The following MALL variants were observed in gnomAD, a reference collection of about 807,000 sequenced individuals.
The protein encoded by MALL is MAL-like protein.
A neutral mutation model predicts 10.3 loss-of-function variants in MALL; 2 were observed. That is an observed-to-expected ratio of 0.19 (90% CI 0.08 to 0.61). MALL has a LOEUF of 0.61. Ranked by LOEUF, MALL falls within the 20% of genes least tolerant of loss-of-function variation. The pLI, the probability that MALL is intolerant of heterozygous loss-of-function variation, is 0.88. For missense variants in MALL, 39 were observed against 115.2 expected (o/e 0.34, Z 3.03); for synonymous variants, 27 against 51.8 (o/e 0.52, Z 2.05).
intron 1 of MALL, among the ~76,000 whole-genome samples, chr2:110,105,367 C>A (rs1678665408): frequency 6.6e-6 from 1 of 152,236 alleles, no homozygotes; most frequent in Non-Finnish European, 1.5e-5. Flanking sequence ...AGCCCAAGGC[C>A]TTCCCTTTCC....
intron 1 of MALL, among the ~76,000 whole-genome samples, chr2:110,112,114 T>C (rs1281364565): frequency 6.6e-6 from 1 of 152,160 alleles, no homozygotes; most frequent in East Asian, 1.9e-4. Context: ...ACTTAAGACC[T>C]GAAATTACAA....
chr2:110,107,494 A>C (rs373871932), intron 1 of MALL, among the ~76,000 whole-genome samples: 132 of 152,256 alleles, frequency 8.7e-4, no homozygotes, highest in Middle Eastern at 3.4e-3. Context: ...AACTCCAGTA[A>C]CTTGGGAATC....
intron 1 of MALL, among the ~76,000 whole-genome samples, chr2:110,100,288 A>G (rs187826462): frequency 1.3e-5 from 2 of 152,250 alleles, no homozygotes; most frequent in African/African-American, 4.8e-5. Context: ...AGGCCAGCCT[A>G]GGCAACAAAA....
At chr2:110,092,895 A>AT (rs1477922493) in intron 1 of MALL, among the ~76,000 whole-genome samples, 4 of 42,430 alleles carry the variant, frequency 9.4e-5, no homozygotes, top group Non-Finnish European at 2.9e-4. Context: ...ACGTCTTTAA[A>AT]TTTCCCCTGA....
At chr2:110,115,640 TC>T (rs1291404378) in intron 1 of MALL, 47 bp downstream of exon 1, 5 of 1,088,974 alleles carry the variant, frequency 4.6e-6, no homozygotes, top group Non-Finnish European at 5.9e-6. Context: ...GAGGCCGGTC[TC>T]CCCCTCCCTC....
intron 1 of MALL, among the ~76,000 whole-genome samples, chr2:110,106,087 G>A (rs981952901): frequency 2.0e-5 from 3 of 152,140 alleles, no homozygotes; most frequent in Non-Finnish European, 2.9e-5. Flanking sequence ...GAGTTTGCAT[G>A]GTCTCCGCTT....
Position 110,095,698 on chromosome 2 carries a change from GA to G in MALL, c.106-3929del, listed in dbSNP as rs112614892. ...CTAATCGCGTCATCATTTAAAAAAA[GA>G]AAAAAAAAAGAACTAGACTATAAGA... On this transcript the variant is annotated intron_variant, in intron 1 of 3. Transcript: ENST00000272462. Among the ~76,000 whole-genome samples the G allele has an allele frequency of 9.8e-3, 1,432 of 145,546 alleles. 11 individuals are homozygous for G. The highest frequency in any genetic ancestry group is 0.022 in the Admixed American group (322 of 14,622).
At chr2:110,111,611 A>G (rs1397012551) in intron 1 of MALL, among the ~76,000 whole-genome samples, 1 of 152,096 alleles carries the variant, frequency 6.6e-6, no homozygotes, top group Non-Finnish European at 1.5e-5. Context: ...AACACATCTC[A>G]TGCTCATGGA....
In MALL at chr2:110,115,624, G is replaced by GGGTCCGAGGCCGGTCTC. The variant is rs1198367684; in HGVS notation, c.105+47_105+63dup. ...GGTCTCTCTCTTCTCGGTCCGGTCT[G>GGGTCCGAGGCCGGTCTC]GGTCCGAGGCCGGTCTCCCCCTCCC... On this transcript the variant is annotated intron_variant, in intron 1 of 3. Coordinates refer to ENST00000272462, the MANE Select transcript of MALL (RefSeq NM_005434.5). The GGGTCCGAGGCCGGTCTC allele has an allele frequency of 2.1e-5, 20 of 942,256 alleles. No homozygotes were observed. In the East Asian group the frequency reaches 5.9e-4, roughly 28 times the overall value. The allele number at this position is 942,256 out of a possible 1,614,324, so 58.4% of individuals were successfully genotyped here. A position where few individuals can be genotyped will look rare whatever the true frequency, so the allele number is the denominator to read the frequency against.
intron 1 of MALL, among the ~76,000 whole-genome samples, chr2:110,114,702 C>T (rs1678872074): frequency 6.6e-6 from 1 of 151,026 alleles, no homozygotes; most frequent in African/African-American, 2.4e-5. Flanking sequence ...CCCAACTTTG[C>T]AAGCAGAAGA....
chr2:110,111,853 C>T (rs1263284097), intron 1 of MALL, among the ~76,000 whole-genome samples: 1 of 152,088 alleles, frequency 6.6e-6, no homozygotes, highest in Non-Finnish European at 1.5e-5. Flanking sequence ...CCATAGTCAC[C>T]AAAACAGCAT....
At chr2:110,105,013 A>G (rs1678658623) in intron 1 of MALL, among the ~76,000 whole-genome samples, 2 of 152,162 alleles carry the variant, frequency 1.3e-5, no homozygotes, top group Admixed American at 1.3e-4. Flanking sequence ...CTCACTCACC[A>G]TGTCCTGACA....
intron 1 of MALL, among the ~76,000 whole-genome samples, chr2:110,113,758 G>A (rs1260718594): frequency 1.3e-5 from 2 of 152,108 alleles, no homozygotes; most frequent in Non-Finnish European, 2.9e-5. Context: ...CAAAACTGGA[G>A]TAAGGTTTAT....
intron 1 of MALL, among the ~76,000 whole-genome samples, chr2:110,104,198 C>G (rs146317482): frequency 2.0e-5 from 3 of 152,202 alleles, no homozygotes; most frequent in Non-Finnish European, 4.4e-5. Context: ...GCCCCTCTGT[C>G]CCTGATTCTG....
intron 1 of MALL, among the ~76,000 whole-genome samples, chr2:110,107,283 A>G (rs1029642275): frequency 1.3e-5 from 2 of 152,100 alleles, no homozygotes; most frequent in Non-Finnish European, 2.9e-5. Context: ...GGGGAGGAGG[A>G]TAGCCTGGGG....
At chr2:110,097,781 G>C (rs563267480) in intron 1 of MALL, among the ~76,000 whole-genome samples, 5 of 152,190 alleles carry the variant, frequency 3.3e-5, no homozygotes, top group Admixed American at 3.3e-4. Flanking sequence ...GCTGGGCATT[G>C]CTTCAGCATG....
At chr2:110,114,735 G>A (rs932578524) in intron 1 of MALL, among the ~76,000 whole-genome samples, 1 of 151,560 alleles carries the variant, frequency 6.6e-6, no homozygotes, top group Non-Finnish European at 1.5e-5. Context: ...GGGCTGAAAA[G>A]TAGATGCACT....
At chr2:110,102,125 AC>A (rs1292748596) in intron 1 of MALL, among the ~76,000 whole-genome samples, 1 of 151,882 alleles carries the variant, frequency 6.6e-6, no homozygotes, top group Non-Finnish European at 1.5e-5. Context: ...AAGTCCCCAT[AC>A]CCTCCTTTCT....
intron 1 of MALL, among the ~76,000 whole-genome samples, chr2:110,098,709 G>A (rs1678496760): frequency 1.3e-5 from 2 of 152,040 alleles, no homozygotes; most frequent in African/African-American, 4.8e-5. Flanking sequence ...GCACACTCCT[G>A]AAAAGGAAAA....
Sources: allele counts gnomAD v4.1 joint callset (sites outside exome capture counted in the v4.1 genomes callset), GRCh38; gene constraint gnomAD v4.1.1; transcripts MANE v1.5; gene names NCBI Gene and HGNC (gene_info 2026-07-23, HGNC 2026-07-21).